Variants in CUL2 observed in about 807,000 individuals in gnomAD.
The protein encoded by CUL2 is cullin-2.
Under a neutral mutation model 110.2 loss-of-function variants are expected in CUL2, and 22 were observed. That is an observed-to-expected ratio of 0.20 (90% CI 0.14 to 0.28). CUL2 has a LOEUF of 0.28. Among genes scored for constraint, CUL2 ranks in the 10% least tolerant of loss-of-function variants. CUL2 has a pLI of 1.00. For missense variants in CUL2, 631 were observed against 905.5 expected (o/e 0.70, Z 3.89); for synonymous variants, 279 against 293.2 (o/e 0.95, Z 0.49).
chr10:35,017,550 C>T (rs182788281), intron 17 of CUL2, among the ~76,000 whole-genome samples: 67 of 152,004 alleles, frequency 4.4e-4, no homozygotes, highest in African/African-American at 1.5e-3. Flanking sequence ...AAAAATTCGC[C>T]GGGCATGATG....
At chr10:35,092,991 C>T (rs112355429), upstream of CUL2, among the ~76,000 whole-genome samples, 1 of 152,096 alleles carries the variant, frequency 6.6e-6, no homozygotes, top group Non-Finnish European at 1.5e-5. Flanking sequence ...CAGTATTGTA[C>T]AACTTTAGAT....
intron 1 of CUL2, among the ~76,000 whole-genome samples, chr10:35,109,778 T>C (rs564835587): frequency 6.6e-6 from 1 of 152,358 alleles, no homozygotes; most frequent in East Asian, 1.9e-4. Flanking sequence ...TGTAGGACTT[T>C]ATCAACTTTG....
intron 3 of CUL2, among the ~76,000 whole-genome samples, chr10:35,061,769 GTTT>G (rs570989508): frequency 4.7e-5 from 6 of 128,478 alleles, no homozygotes; most frequent in Non-Finnish European, 3.3e-5. Flanking sequence ...ACTTATGAGG[GTTT>G]TTTTTTTTTT....
At chr10:35,108,901 A>G (rs960899639) in intron 1 of CUL2, among the ~76,000 whole-genome samples, 2 of 152,182 alleles carry the variant, frequency 1.3e-5, no homozygotes, top group Non-Finnish European at 2.9e-5. Flanking sequence ...TGTTTGCTGA[A>G]TTAATGTTTT....
intron 15 of CUL2, among the ~76,000 whole-genome samples, chr10:35,029,121 G>C (rs957122845): frequency 1.3e-5 from 2 of 150,102 alleles, no homozygotes; most frequent in Non-Finnish European, 2.9e-5. Flanking sequence ...GCAGTGGCAC[G>C]ATCTCCGCTC....
chr10:35,016,142 A>G (rs2085026366), intron 18 of CUL2, 50 bp downstream of exon 18: 1 of 1,475,846 alleles, frequency 6.8e-7, no homozygotes, highest in African/African-American at 1.4e-5. Context: ...ATCTCATGAA[A>G]AAGCTTTAAT....
intron 1 of CUL2, among the ~76,000 whole-genome samples, chr10:35,073,754 GCCACCACA>G (rs2086744670): frequency 6.6e-6 from 1 of 151,916 alleles, no homozygotes; most frequent in Non-Finnish European, 1.5e-5. Flanking sequence ...ACAGGCGTCT[GCCACCACA>G]CCCGGCTAAT....
chr10:35,082,866 A>T (rs1589047983), intron 1 of CUL2, among the ~76,000 whole-genome samples: 1 of 152,194 alleles, frequency 6.6e-6, no homozygotes, highest in African/African-American at 2.4e-5. Flanking sequence ...ATAATTACAA[A>T]GGTATCTTTG....
intron 5 of CUL2, among the ~76,000 whole-genome samples, chr10:35,052,647 G>A (rs2086140169): frequency 6.6e-6 from 1 of 152,120 alleles, no homozygotes; most frequent in Non-Finnish European, 1.5e-5. Context: ...TGTAATCCCA[G>A]CACTTTGAGA....
chr10:35,036,860 A>G (rs921996017), intron 9 of CUL2, among the ~76,000 whole-genome samples: 8 of 152,040 alleles, frequency 5.3e-5, no homozygotes, highest in Admixed American at 1.3e-4. Context: ...CAGCCTCCCA[A>G]GTAGATGGGA....
At position 35,016,408 on chromosome 10, in the gene CUL2, A is replaced by G. The variant is rs2085034890; in HGVS notation, c.1685-14T>C. Reference sequence around the variant, plus strand: ...TTTTAACTTCACCTACAATTAAAACAAAAACTGACAGTGAATTGACCATTC... The same window carrying G: ...TTTTAACTTCACCTACAATTAAAACGAAAACTGACAGTGAATTGACCATTC... On this transcript the variant is annotated splice_polypyrimidine_tract_variant and intron_variant, in intron 17 of 20. Transcript: ENST00000374749. 5 of 1,560,672 alleles carry G rather than the reference A, an allele frequency of 3.2e-6. No individual in the cohort carries two copies. In the East Asian group the frequency reaches 1.1e-4, roughly 35 times the overall value.
At chr10:35,046,918 AAAAC>A (rs2085957714) in intron 6 of CUL2, among the ~76,000 whole-genome samples, 2 of 146,702 alleles carry the variant, frequency 1.4e-5, no homozygotes, top group African/African-American at 2.5e-5. Flanking sequence ...AAAACAAAAC[AAAAC>A]AAAACAAAAA....
At chr10:35,118,398 C>T (rs995201709) in intron 1 of CUL2, 4 of 152,166 alleles carry the variant, frequency 2.6e-5, no homozygotes, top group African/African-American at 7.2e-5. Context: ...CTTTCCATTT[C>T]TTAGTTCCTT....
chr10:35,060,645 T>C (rs1377008506), intron 4 of CUL2, among the ~76,000 whole-genome samples: 1 of 152,202 alleles, frequency 6.6e-6, no homozygotes, highest in Non-Finnish European at 1.5e-5. Context: ...AGCCATGCAA[T>C]CGAGTACAGT....
intron 1 of CUL2, among the ~76,000 whole-genome samples, chr10:35,116,414 A>G (rs745313778): frequency 2.0e-5 from 3 of 152,214 alleles, no homozygotes; most frequent in Non-Finnish European, 4.4e-5. Flanking sequence ...AAATTCTCTG[A>G]AAGGCATAAA....
intron 17 of CUL2, among the ~76,000 whole-genome samples, chr10:35,024,138 A>G (rs2085277838): frequency 6.6e-6 from 1 of 152,178 alleles, no homozygotes; most frequent in Admixed American, 6.5e-5. Flanking sequence ...CCTAGCCAAA[A>G]GTCAAATTAA....
At chr10:35,029,878 A>T (rs2085437920) in intron 14 of CUL2, among the ~76,000 whole-genome samples, 1 of 152,220 alleles carries the variant, frequency 6.6e-6, no homozygotes, top group South Asian at 2.1e-4. Flanking sequence ...TAGGAACAAT[A>T]AATCTCCCCT....
At chr10:35,069,192 A>C (rs1051357137) in intron 2 of CUL2, among the ~76,000 whole-genome samples, 1 of 152,012 alleles carries the variant, frequency 6.6e-6, no homozygotes, top group Non-Finnish European at 1.5e-5. Flanking sequence ...TTATTTTTGC[A>C]GACTTTTTAT....
At chr10:35,110,881 G>A (rs1400384133) in intron 1 of CUL2, among the ~76,000 whole-genome samples, 3 of 152,136 alleles carry the variant, frequency 2.0e-5, no homozygotes, top group Non-Finnish European at 4.4e-5. Flanking sequence ...GTTACATTCT[G>A]AGGTACTAGA....
Sources: gnomAD v4.1 joint callset for allele counts (sites outside exome capture counted in the v4.1 genomes callset) on GRCh38, gnomAD v4.1.1 for gene constraint, MANE v1.5 for transcripts, NCBI Gene and HGNC (gene_info 2026-07-23, HGNC 2026-07-21) for gene names.